Variants in ACOT1 observed in about 807,000 individuals in gnomAD.
ACOT1 encodes the protein acyl-coenzyme A thioesterase 1.
Under a neutral mutation model 15.7 loss-of-function variants are expected in ACOT1, and 8 were observed. That is an observed-to-expected ratio of 0.51 (90% CI 0.30 to 0.92). ACOT1 has a LOEUF of 0.92. ACOT1 is among the 40% of genes least tolerant of loss of function. The pLI, the probability that ACOT1 is intolerant of heterozygous loss-of-function variation, is 0.06. For synonymous variants in ACOT1, 67 were observed against 241.2 expected, an observed-to-expected ratio of 0.28 and a Z score of 6.69; for missense variants, 151 against 539.4, an observed-to-expected ratio of 0.28 and a Z score of 7.13.
chr14:73,540,306 T>A (rs1401169758), intron 1 of ACOT1, among the ~76,000 whole-genome samples: 1 of 151,036 alleles, frequency 6.6e-6, no homozygotes, highest in Non-Finnish European at 1.5e-5. Context: ...AAGAGCAAAG[T>A]CAACTGGAAA....
chr14:73,522,753 G>T, the ACOT1 span: 1 of 1,614,240 alleles, frequency 6.2e-7, no homozygotes, highest in Admixed American at 1.7e-5. Flanking sequence ...TTCACAGCCA[G>T]GGAGGTGTCT....
chr14:73,513,906 T>C, the ACOT1 span: 2 of 942,986 alleles, frequency 2.1e-6, no homozygotes, highest in East Asian at 2.5e-5. Flanking sequence ...CTAGCCTTAA[T>C]GAGGCAACCA....
At chr14:73,501,828 A>G in the ACOT1 span, among the ~76,000 whole-genome samples, 1 of 151,436 alleles carries the variant, frequency 6.6e-6, no homozygotes, top group African/African-American at 2.4e-5. Context: ...ATCTCCGCTC[A>G]CTGCAAGCTC....
At chr14:73,492,683 GC>G in the ACOT1 span, 1 of 1,614,022 alleles carries the variant, frequency 6.2e-7, no homozygotes, top group Non-Finnish European at 8.5e-7. This position sits in a 1 kb window ranked among gnomAD's most constrained non-coding sequence, Gnocchi z 4.9. Flanking sequence ...GGATGGGATA[GC>G]TCGGCTGGTG....
chr14:73,496,129 C>G, the ACOT1 span, among the ~76,000 whole-genome samples: 20 of 151,786 alleles, frequency 1.3e-4, no homozygotes, highest in African/African-American at 3.4e-4. Context: ...GACTGTCCCC[C>G]CCTCAAAAAA....
the ACOT1 span, among the ~76,000 whole-genome samples, chr14:73,505,470 C>T: frequency 6.6e-6 from 1 of 151,906 alleles, no homozygotes; most frequent in Admixed American, 6.6e-5. Context: ...GATCTCGGCT[C>T]ACTGCAACCT....
At chr14:73,520,256 G>A in the ACOT1 span, 1 of 152,282 alleles carries the variant, frequency 6.6e-6, no homozygotes, top group Non-Finnish European at 1.5e-5. Flanking sequence ...AGTAGGGACA[G>A]GGAAGGTGGC....
chr14:73,513,524 G>A, the ACOT1 span, among the ~76,000 whole-genome samples: 1 of 151,614 alleles, frequency 6.6e-6, no homozygotes, highest in Admixed American at 6.6e-5. Context: ...TCAGGAGTTT[G>A]AGACCACTCT....
the ACOT1 span, chr14:73,492,632 G>A: frequency 6.2e-7 from 1 of 1,613,998 alleles, no homozygotes; most frequent in African/African-American, 1.3e-5. This position sits in a 1 kb window ranked among gnomAD's most constrained non-coding sequence, Gnocchi z 4.9. Context: ...TGTAAACGTG[G>A]GGGCCCAGTT....
At chr14:73,508,071 T>C in the ACOT1 span, 1 of 1,473,846 alleles carries the variant, frequency 6.8e-7, no homozygotes, top group South Asian at 1.2e-5. Flanking sequence ...TTGCTTACAT[T>C]CACTGACCTC....
the ACOT1 span, among the ~76,000 whole-genome samples, chr14:73,514,850 C>T: frequency 7.9e-5 from 12 of 152,026 alleles, no homozygotes; most frequent in African/African-American, 2.7e-4. Context: ...GAGCAGATCA[C>T]GAGGTCAGGA....
At chr14:73,506,369 G>T in the ACOT1 span, 1 of 772,600 alleles carries the variant, frequency 1.3e-6, no homozygotes, top group Non-Finnish European at 2.2e-6. Context: ...AGATCTGTTT[G>T]GTAAGAATGG....
the ACOT1 span, chr14:73,518,947 T>A: frequency 1.4e-6 from 2 of 1,460,192 alleles, no homozygotes; most frequent in South Asian, 2.7e-5. Flanking sequence ...CTCTAGCACA[T>A]GAATAGTGGG....
the ACOT1 span, among the ~76,000 whole-genome samples, chr14:73,501,847 A>G: frequency 6.6e-6 from 1 of 151,050 alleles, no homozygotes; most frequent in African/African-American, 2.4e-5. Context: ...TCCAACTCCC[A>G]GGTTCACGCC....
At chr14:73,493,432 C>T in the ACOT1 span, 8 of 283,418 alleles carry the variant, frequency 2.8e-5, no homozygotes, top group East Asian at 8.2e-5. Context: ...TGGGATGGTT[C>T]GAAGAAATGC....
At chr14:73,538,365 G>A (rs1888948765) in intron 1 of ACOT1, among the ~76,000 whole-genome samples, 1 of 114,568 alleles carries the variant, frequency 8.7e-6, no homozygotes, top group African/African-American at 2.8e-5. Context: ...TGTAATCCCA[G>A]CACTTTGAGA....
At chr14:73,512,981 C>A in the ACOT1 span, among the ~76,000 whole-genome samples, 3 of 152,198 alleles carry the variant, frequency 2.0e-5, no homozygotes, top group Non-Finnish European at 4.4e-5. Context: ...TTGTCCCAGG[C>A]ACTCAGACTT....
the ACOT1 span, chr14:73,492,712 G>T: frequency 8.5e-5 from 137 of 1,613,828 alleles, no homozygotes; most frequent in Non-Finnish European, 1.1e-4. This position sits in a 1 kb window ranked among gnomAD's most constrained non-coding sequence, Gnocchi z 4.9. Flanking sequence ...GGGGCCATTT[G>T]TTTCTCTATT....
the ACOT1 span, chr14:73,523,198 G>A: frequency 6.6e-7 from 1 of 1,507,392 alleles, no homozygotes; most frequent in Non-Finnish European, 8.8e-7. Context: ...TGGCCTAGAG[G>A]AAAGGCCTGG....
Sources: allele counts gnomAD v4.1 joint callset (sites outside exome capture counted in the v4.1 genomes callset), GRCh38; gene constraint gnomAD v4.1.1; non-coding constraint Gnocchi (gnomAD v3.1); transcripts MANE v1.5; gene names NCBI Gene and HGNC (gene_info 2026-07-23, HGNC 2026-07-21).